The following NTRK2 variants were observed in gnomAD, a reference collection of about 807,000 sequenced individuals.
NTRK2 encodes the protein BDNF/NT-3 growth factors receptor.
NTRK2 carries 13 observed loss-of-function variants against 94.5 expected under a neutral mutation model. The ratio of observed to expected loss-of-function variants is 0.14; its 90% CI spans 0.09 to 0.22. The LOEUF (loss-of-function observed/expected upper bound fraction) is 0.22. Among genes scored for constraint, NTRK2 ranks in the 10% least tolerant of loss-of-function variants. The probability of loss-of-function intolerance (pLI) is 1.00; values close to 1 mark genes in which losing one functional copy is unlikely to be tolerated. For missense variants in NTRK2, 639 were observed against 1,071.2 expected (o/e 0.60, Z 5.63); for synonymous variants, 372 against 407.4 (o/e 0.91, Z 1.05).
At chr9:84,719,125 G>T (rs2061897182) in intron 6 of NTRK2, among the ~76,000 whole-genome samples, 1 of 152,014 alleles carries the variant, frequency 6.6e-6, no homozygotes, top group Non-Finnish European at 1.5e-5. Flanking sequence ...GGTATTTATG[G>T]TCCATGATGA....
At chr9:84,899,548 A>G (rs1359174438) in intron 14 of NTRK2, among the ~76,000 whole-genome samples, 1 of 152,188 alleles carries the variant, frequency 6.6e-6, no homozygotes, top group African/African-American at 2.4e-5. Flanking sequence ...TCCCTCTGCA[A>G]CTATATCAGT....
intron 14 of NTRK2, among the ~76,000 whole-genome samples, chr9:84,886,733 C>G (rs2076426629): frequency 6.6e-6 from 1 of 152,244 alleles, no homozygotes; most frequent in Admixed American, 6.5e-5. Context: ...TCTCCTTGAG[C>G]TGACCCCTCA....
chr9:84,896,882 G>A (rs1354434751), intron 14 of NTRK2, among the ~76,000 whole-genome samples: 2 of 152,194 alleles, frequency 1.3e-5, no homozygotes, highest in Admixed American at 6.5e-5. Flanking sequence ...GGGGAAGCCC[G>A]TGGCAGTAGC....
intron 15 of NTRK2, among the ~76,000 whole-genome samples, chr9:84,945,211 A>T (rs1259255611): frequency 6.6e-6 from 1 of 152,156 alleles, no homozygotes; most frequent in Non-Finnish European, 1.5e-5. Flanking sequence ...GCCCATGTTC[A>T]ACTTTTCCAG....
chr9:84,933,064 G>T (rs2078093556), intron 14 of NTRK2, among the ~76,000 whole-genome samples: 1 of 152,126 alleles, frequency 6.6e-6, no homozygotes, highest in African/African-American at 2.4e-5. Flanking sequence ...AATGCAGAGA[G>T]GATTATGTCA....
chr9:84,696,760 AG>A (rs2060403813), intron 2 of NTRK2, among the ~76,000 whole-genome samples: 2 of 152,242 alleles, frequency 1.3e-5, no homozygotes, highest in Non-Finnish European at 2.9e-5. Flanking sequence ...GATTGGAAAA[AG>A]CATTTTTGGT....
At chr9:84,688,353 G>A (rs576412512) in intron 2 of NTRK2, among the ~76,000 whole-genome samples, 1 of 152,326 alleles carries the variant, frequency 6.6e-6, no homozygotes, top group Admixed American at 6.5e-5. Flanking sequence ...TGACGATGAT[G>A]CTCTGGATCA....
At chr9:84,914,766 G>C (rs2077344774) in intron 14 of NTRK2, among the ~76,000 whole-genome samples, 1 of 152,088 alleles carries the variant, frequency 6.6e-6, no homozygotes, top group Admixed American at 6.5e-5. Context: ...CAGGTTTCTG[G>C]CTTCTTAAGC....
At chr9:84,914,136 A>AT (rs1454297568) in intron 14 of NTRK2, among the ~76,000 whole-genome samples, 8 of 151,758 alleles carry the variant, frequency 5.3e-5, no homozygotes, top group African/African-American at 1.9e-4. Flanking sequence ...TAAAATTTTC[A>AT]TTTGGTTTTC....
chr9:84,918,890 A>G (rs1183386005), intron 14 of NTRK2, among the ~76,000 whole-genome samples: 1 of 152,184 alleles, frequency 6.6e-6, no homozygotes, highest in African/African-American at 2.4e-5. Context: ...GGGCACTTTC[A>G]TTTAATACAC....
chr9:85,021,383 C>G lies in NTRK2; in HGVS notation c.2463C>G (p.Thr821=), dbSNP rs751823892. 1 of 1,614,166 alleles carries G rather than the reference C, an allele frequency of 6.2e-7. No individual in the cohort carries two copies. The change falls in exon 19 of 19, where the codon ACC becomes ACG. Residue 821 remains threonine, a synonymous_variant. Coordinates refer to ENST00000277120, the MANE Select transcript of NTRK2 (RefSeq NM_006180.6). ...HMRKNIKGIH[T]LLQNLAKASP... is the part of the protein sequence containing the mutation. ...GGAAGAACATCAAGGGCATCCATAC[C>G]CTCCTTCAGAACTTGGCCAAGGCAT...
intron 17 of NTRK2, among the ~76,000 whole-genome samples, chr9:84,993,570 C>T (rs1331202113): frequency 6.6e-6 from 1 of 152,246 alleles, no homozygotes; most frequent in Non-Finnish European, 1.5e-5. Context: ...TGCACAGCAG[C>T]CAGAGTGTCC....
intron 17 of NTRK2, among the ~76,000 whole-genome samples, chr9:85,015,168 C>T (rs1832076696): frequency 6.6e-6 from 1 of 152,150 alleles, no homozygotes; most frequent in Non-Finnish European, 1.5e-5. Context: ...TAGAAAAATA[C>T]TCCCTTATGT....
intron 17 of NTRK2, among the ~76,000 whole-genome samples, chr9:84,992,461 T>G (rs1829209593): frequency 6.6e-6 from 1 of 152,150 alleles, no homozygotes. Context: ...ATACCAGTGC[T>G]CACTGCTGAA....
At chr9:84,696,036 T>A (rs975440293) in intron 2 of NTRK2, among the ~76,000 whole-genome samples, 2 of 152,184 alleles carry the variant, frequency 1.3e-5, no homozygotes, top group African/African-American at 2.4e-5. Flanking sequence ...TTAGACAAGA[T>A]CTTGCTCTGT....
At chr9:84,701,533 G>C (rs368130190) in intron 2 of NTRK2, among the ~76,000 whole-genome samples, 1 of 152,172 alleles carries the variant, frequency 6.6e-6, no homozygotes, top group Non-Finnish European at 1.5e-5. Flanking sequence ...CTTAGGGGGT[G>C]GGGGAGGGAG....
At chr9:84,673,536 C>A (rs2058833554) in intron 2 of NTRK2, among the ~76,000 whole-genome samples, 1 of 152,120 alleles carries the variant, frequency 6.6e-6, no homozygotes, top group African/African-American at 2.4e-5. Context: ...ATTAGCAACA[C>A]ACAACTTGCT....
At chr9:84,955,211 G>A (rs1447655671) in intron 16 of NTRK2, 72 bp from the exon 17 acceptor site, 2 of 1,272,804 alleles carry the variant, frequency 1.6e-6, no homozygotes, top group Non-Finnish European at 2.2e-6. Flanking sequence ...GGGACGGGGA[G>A]GGGCAGGGGC....
Position 84,677,731 on chromosome 9 carries a change from G to T in NTRK2, c.212+6771G>T, listed in dbSNP as rs73651108. Among the ~76,000 whole-genome samples the T allele has an allele frequency of 6.8e-3, 1,036 of 152,210 alleles. 21 individuals carry two copies. Among genetic ancestry groups the T allele is most frequent in the African/African-American group, 0.023 (970 of 41,530 alleles). On this transcript the variant is annotated intron_variant, in intron 2 of 18. Coordinates refer to ENST00000277120, the MANE Select transcript of NTRK2 (RefSeq NM_006180.6). The stretch of plus-strand genomic sequence containing the variant: ...CGAGAGCCAAGGCAATTCTAGGAGA[G>T]GTCTAGAGATTTGAATTCATGTTCA...
Sources: gnomAD v4.1 joint callset for allele counts (sites outside exome capture counted in the v4.1 genomes callset) on GRCh38, gnomAD v4.1.1 for gene constraint, MANE v1.5 for transcripts, NCBI Gene and HGNC (gene_info 2026-07-23, HGNC 2026-07-21) for gene names.